The following PTH2R variants were observed in gnomAD, a reference collection of about 807,000 sequenced individuals.
PTH2R encodes PTH2 receptor.
A neutral mutation model predicts 60.3 loss-of-function variants in PTH2R; 59 were observed. The ratio of observed to expected loss-of-function variants is 0.98; its 90% CI spans 0.79 to 1.22. The LOEUF (loss-of-function observed/expected upper bound fraction) is 1.22, where lower values mean the gene tolerates loss of function less well. Ranked by LOEUF, PTH2R falls within the 50% of genes most tolerant of loss-of-function variation. The pLI, the probability that PTH2R is intolerant of heterozygous loss-of-function variation, is 0.00. For synonymous variants in PTH2R, 256 were observed against 243.8 expected (o/e 1.05, Z -0.47); for missense variants, 749 against 682.6 (o/e 1.10, Z -1.08).
chr2:208,449,559 G>C (rs570255482), intron 7 of PTH2R, among the ~76,000 whole-genome samples: 1 of 152,116 alleles, frequency 6.6e-6, no homozygotes, highest in East Asian at 1.9e-4. Flanking sequence ...CAGAATTTGA[G>C]CAGATTAAAG....
chr2:208,478,097 C>G (rs1703060276), intron 9 of PTH2R, among the ~76,000 whole-genome samples: 1 of 151,916 alleles, frequency 6.6e-6, no homozygotes, highest in Admixed American at 6.6e-5. Flanking sequence ...TTTGCAGACT[C>G]AAGTCTTCCT....
upstream of PTH2R, among the ~76,000 whole-genome samples, chr2:208,405,077 C>T (rs763493302): frequency 5.3e-5 from 8 of 152,200 alleles, no homozygotes; most frequent in Non-Finnish European, 1.2e-4. Flanking sequence ...CATTAGCAAA[C>T]TTTTGTCCTC....
intron 1 of PTH2R, among the ~76,000 whole-genome samples, chr2:208,383,475 G>T (rs1255628015): frequency 6.6e-6 from 1 of 152,152 alleles, no homozygotes; most frequent in Non-Finnish European, 1.5e-5. Flanking sequence ...TTGTAGAATT[G>T]TTGCAAAAGG....
At chr2:208,438,021 A>G (rs901149351) in intron 4 of PTH2R, 140 bp downstream of exon 4, 8 of 1,172,002 alleles carry the variant, frequency 6.8e-6, no homozygotes, top group Non-Finnish European at 9.5e-6. Flanking sequence ...GCAATGTTGC[A>G]ATCTTTTCAG....
At chr2:208,442,240 C>T (rs1045936664) in intron 4 of PTH2R, 124 bp from the exon 5 acceptor site, 20 of 724,560 alleles carry the variant, frequency 2.8e-5, no homozygotes, top group Admixed American at 2.7e-4. Flanking sequence ...TTATTGCATG[C>T]AAATTACAGC....
At chr2:208,378,366 A>G (rs1191876352) in intron 1 of PTH2R, among the ~76,000 whole-genome samples, 1 of 152,076 alleles carries the variant, frequency 6.6e-6, no homozygotes, top group African/African-American at 2.4e-5. Context: ...TACCGTGGAA[A>G]GAGAGGGAGA....
upstream of PTH2R, among the ~76,000 whole-genome samples, chr2:208,406,228 CAAACTT>C (rs1029781665): frequency 9.8e-4 from 149 of 151,508 alleles, no homozygotes; most frequent in African/African-American, 3.3e-3. Flanking sequence ...CTAAAATAGT[CAAACTT>C]AAAAATAAAC....
intron 1 of PTH2R, among the ~76,000 whole-genome samples, chr2:208,365,916 A>C (rs1700569409): frequency 8.6e-6 from 1 of 116,366 alleles, no homozygotes; most frequent in South Asian, 2.8e-4. Context: ...ATATATATAT[A>C]ATATAATAGA....
At position 208,427,569 on chromosome 2, in the gene PTH2R, G is replaced by A. The variant is rs538671697; in HGVS notation, c.76-632G>A. Among the ~76,000 whole-genome samples, 21 of 152,156 alleles carry A rather than the reference G, an allele frequency of 1.4e-4. No individual in the cohort carries two copies. In the South Asian group the frequency reaches 3.9e-3, roughly 29 times the overall value. Reference sequence around the variant, plus strand: ...CAGAAATCTCCAAAACTATATATCTGACTATTCACTGAGATTCTCTTTGTG... The same window carrying A: ...CAGAAATCTCCAAAACTATATATCTAACTATTCACTGAGATTCTCTTTGTG... On this transcript the variant is annotated intron_variant, in intron 1 of 12. Transcript: ENST00000272847.
At position 208,365,942 on chromosome 2, in the gene PTH2R, ATATATATATATATATATATTTTTTTT is replaced by A. The variant is rs1457642786; in HGVS notation, c.-259+5707_-259+5732del. ...ATATAATAGATAAATATATATATAT[ATATATATATATATATATATTTTTTTT>A]TTTTTTTTTTTTTTTTTTTTTTTTT... On this transcript the variant is annotated intron_variant, in intron 1 of 12. Coordinates refer to the PTH2R transcript ENST00000617735. Among the ~76,000 whole-genome samples, 75 of 14,710 alleles carry A rather than the reference ATATATATATATATATATATTTTTTTT, an allele frequency of 5.1e-3. 3 individuals are homozygous for A. The highest frequency in any genetic ancestry group is 0.013 in the African/African-American group (75 of 5,900). 9.7% of individuals were successfully genotyped at this position (14,710 alleles called of 152,430 possible).
chr2:208,404,187 G>A (rs1701358115), upstream of PTH2R, among the ~76,000 whole-genome samples: 1 of 152,188 alleles, frequency 6.6e-6, no homozygotes. Flanking sequence ...GTTGGCTACT[G>A]AGAAGAAAGT....
At chr2:208,475,479 A>T (rs1047179744) in intron 9 of PTH2R, among the ~76,000 whole-genome samples, 1 of 152,206 alleles carries the variant, frequency 6.6e-6, no homozygotes, top group African/African-American at 2.4e-5. Flanking sequence ...AGACTTTAGA[A>T]TTCATATGCT....
Position 208,444,842 on chromosome 2 carries a change from T to G in PTH2R, c.808T>G (p.Phe270Val), listed in dbSNP as rs758087024. ...GCATAATCTCATCTTTGTGGCTTTC[T>G]TTTCGGACACCAAATACCTGTGGGG... ...YLHNLIFVAF[F>V]SDTKYLWGFI... is the part of the protein sequence containing the mutation. Residue 270 changes from phenylalanine to valine, a missense_variant, in exon 7 of 13, where the codon TTT (phenylalanine) becomes GTT (valine). Phe to Val is a conservative substitution (Grantham distance 50). Coordinates refer to ENST00000272847, the MANE Select transcript of PTH2R (RefSeq NM_005048.4). 1 of 1,613,930 alleles carries G rather than the reference T, an allele frequency of 6.2e-7. No homozygotes were observed. The highest frequency in any genetic ancestry group is 2.2e-5 in the East Asian group (1 of 44,840).
At chr2:208,474,123 A>G (rs1051290255) in intron 9 of PTH2R, among the ~76,000 whole-genome samples, 4 of 152,226 alleles carry the variant, frequency 2.6e-5, no homozygotes, top group South Asian at 4.1e-4. Flanking sequence ...TGACTGTACT[A>G]TGATTTAGCC....
intron 2 of PTH2R, among the ~76,000 whole-genome samples, chr2:208,429,002 T>C (rs1252692431): frequency 6.6e-6 from 1 of 151,560 alleles, no homozygotes; most frequent in Non-Finnish European, 1.5e-5. Flanking sequence ...GGAGAATCGC[T>C]TGAACCCGGG....
At chr2:208,443,076 A>T (rs1413226397) in intron 5 of PTH2R, among the ~76,000 whole-genome samples, 24 of 152,238 alleles carry the variant, frequency 1.6e-4, no homozygotes, top group Admixed American at 1.6e-3. Context: ...ACAGTATAAC[A>T]TCTATTTACA....
intron 7 of PTH2R, among the ~76,000 whole-genome samples, chr2:208,446,425 A>T (rs1202991970): frequency 2.0e-5 from 3 of 152,256 alleles, no homozygotes; most frequent in African/African-American, 7.2e-5. Flanking sequence ...TAGGCATAGA[A>T]ATGACAACTA....
intron 1 of PTH2R, among the ~76,000 whole-genome samples, chr2:208,366,116 G>A (rs1700588582): frequency 6.7e-6 from 1 of 149,698 alleles, no homozygotes; most frequent in African/African-American, 2.5e-5. Flanking sequence ...CACCACGTCT[G>A]GCCAGTGTTA....
chr2:208,447,811 A>G lies in PTH2R; in HGVS notation c.853+2924A>G, dbSNP rs148215141. Among the ~76,000 whole-genome samples, 397 of 152,188 alleles carry G rather than the reference A, an allele frequency of 2.6e-3. 1 individual carries two copies. Among genetic ancestry groups the G allele is most frequent in the African/African-American group, 8.7e-3 (362 of 41,556 alleles). ...AATGATAACTGTTTCTTTTCATTCAACCAAGCACATTATTATTTTCCCCAT... is the reference window on the plus strand; with the variant it reads ...AATGATAACTGTTTCTTTTCATTCAGCCAAGCACATTATTATTTTCCCCAT... On this transcript the variant is annotated intron_variant, in intron 7 of 12. Transcript: ENST00000272847.
Sources: gnomAD v4.1 joint callset for allele counts (sites outside exome capture counted in the v4.1 genomes callset) on GRCh38, gnomAD v4.1.1 for gene constraint, MANE v1.5 for transcripts, NCBI Gene and HGNC (gene_info 2026-07-23, HGNC 2026-07-21) for gene names.